Variants in ANKRD45 observed in about 807,000 individuals in gnomAD.
The protein encoded by ANKRD45 is ankyrin repeat domain-containing protein 45.
Under a neutral mutation model 28.1 loss-of-function variants are expected in ANKRD45, and 21 were observed. The observed-to-expected ratio is 0.75, with a 90% CI of 0.53 to 1.08. The LOEUF (loss-of-function observed/expected upper bound fraction) is 1.08. Ranked by LOEUF, ANKRD45 falls within the 50% of genes least tolerant of loss-of-function variation. The pLI is 0.00. For synonymous variants in ANKRD45, 86 were observed against 103.9 expected (o/e 0.83, Z 1.05); for missense variants, 261 against 308.7 (o/e 0.85, Z 1.16).
chr1:173,642,631 C>G (rs545044665), intron 3 of ANKRD45, among the ~76,000 whole-genome samples: 1 of 152,324 alleles, frequency 6.6e-6, no homozygotes, highest in East Asian at 1.9e-4. Context: ...ACATTTTAGC[C>G]TAGATATTTG....
intron 3 of ANKRD45, among the ~76,000 whole-genome samples, chr1:173,644,637 A>G (rs1668845093): frequency 6.6e-6 from 1 of 152,208 alleles, no homozygotes; most frequent in South Asian, 2.1e-4. Flanking sequence ...AAGTTACAGC[A>G]AAATTTGTCC....
chr1:173,670,667 T>TC (rs1186404886), upstream of ANKRD45, among the ~76,000 whole-genome samples: 12 of 152,226 alleles, frequency 7.9e-5, no homozygotes, highest in East Asian at 2.1e-3. Context: ...CAGAGCAGGC[T>TC]CCCCTATCCC....
At chr1:173,616,269 A>C (rs888035269) in intron 5 of ANKRD45, among the ~76,000 whole-genome samples, 1 of 152,164 alleles carries the variant, frequency 6.6e-6, no homozygotes, top group East Asian at 1.9e-4. Flanking sequence ...TATTTCATTT[A>C]TAAATGTTCA....
chr1:173,667,389 A>G (rs1670067991), intron 1 of ANKRD45, among the ~76,000 whole-genome samples: 1 of 152,126 alleles, frequency 6.6e-6, no homozygotes, highest in Non-Finnish European at 1.5e-5. Flanking sequence ...CAGATTCCAC[A>G]CTGCAACCAG....
the ANKRD45 span, among the ~76,000 whole-genome samples, chr1:173,686,822 T>C: frequency 6.6e-6 from 1 of 152,218 alleles, no homozygotes; most frequent in African/African-American, 2.4e-5. Flanking sequence ...ATAAGCTAAA[T>C]TTCACCTTTA....
At chr1:173,643,218 G>T (rs2102353711) in intron 3 of ANKRD45, among the ~76,000 whole-genome samples, 1 of 145,802 alleles carries the variant, frequency 6.9e-6, no homozygotes, top group East Asian at 2.0e-4. Context: ...CTGTCACCCA[G>T]GCTGGAGTGT....
the ANKRD45 span, among the ~76,000 whole-genome samples, chr1:173,705,882 T>A: frequency 6.6e-6 from 1 of 152,142 alleles, no homozygotes; most frequent in Non-Finnish European, 1.5e-5. Context: ...AATTTTAAAC[T>A]ATAAATACAT....
chr1:173,659,711 T>C (rs1669697428), intron 1 of ANKRD45, among the ~76,000 whole-genome samples: 1 of 152,168 alleles, frequency 6.6e-6, no homozygotes, highest in Non-Finnish European at 1.5e-5. Context: ...AGAGATCATA[T>C]GATCTAAATT....
At chr1:173,682,720 C>CACACACACAT in the ANKRD45 span, among the ~76,000 whole-genome samples, 1 of 150,682 alleles carries the variant, frequency 6.6e-6, no homozygotes, top group Non-Finnish European at 1.5e-5. Context: ...CACACACACA[C>CACACACACAT]ACATCTTGGA....
rs533573094 is a variant in ANKRD45 at position 173,614,916 on chromosome 1, G to A, written c.731-4701C>T. Reference sequence around the variant, plus strand: ...ACTGCATCCTCCACCTCCCGGATTCGGGTGATCATCCTGTCTCAGCCTCCT... The same window carrying A: ...ACTGCATCCTCCACCTCCCGGATTCAGGTGATCATCCTGTCTCAGCCTCCT... On this transcript the variant is annotated intron_variant, in intron 5 of 5. Coordinates refer to ENST00000333279, the MANE Select transcript of ANKRD45 (RefSeq NM_198493.3). 3.9e-5 allele frequency among the ~76,000 whole-genome samples: 6 copies of A among 152,010 alleles called. No individual in the cohort carries two copies. In the South Asian group the frequency reaches 6.2e-4, roughly 16 times the overall value.
At chr1:173,653,625 A>C (rs1218926268) in intron 2 of ANKRD45, among the ~76,000 whole-genome samples, 1 of 152,214 alleles carries the variant, frequency 6.6e-6, no homozygotes, top group Non-Finnish European at 1.5e-5. Flanking sequence ...TGCTTGGTGC[A>C]GAGCTGAGTT....
chr1:173,698,718 G>A, the ANKRD45 span, among the ~76,000 whole-genome samples: 2 of 152,132 alleles, frequency 1.3e-5, no homozygotes, highest in Non-Finnish European at 2.9e-5. Context: ...GAGAAAGCAG[G>A]AATGATCTGA....
chr1:173,648,310 T>G (rs757656333), intron 2 of ANKRD45, among the ~76,000 whole-genome samples: 8 of 152,098 alleles, frequency 5.3e-5, no homozygotes, highest in Non-Finnish European at 1.0e-4. Context: ...CTCCTGGGCT[T>G]AAGCAGTCCT....
chr1:173,613,468 G>GCC (rs1455712881), intron 5 of ANKRD45, among the ~76,000 whole-genome samples: 49 of 149,054 alleles, frequency 3.3e-4, no homozygotes, highest in Non-Finnish European at 6.0e-4. Flanking sequence ...GTGGGGGGCA[G>GCC]CCCCCGCCCG....
intron 3 of ANKRD45, chr1:173,635,698 G>A (rs1668402587): frequency 6.5e-7 from 1 of 1,535,496 alleles, no homozygotes; most frequent in African/African-American, 1.4e-5. Flanking sequence ...CTTATCTTCT[G>A]GATAAACTAT....
rs1667071035 is a variant in ANKRD45 at position 173,609,953 on chromosome 1, T to C, written c.*192A>G. On this transcript the variant is annotated 3_prime_UTR_variant, in exon 6 of 6. Transcript: ENST00000333279. ...AGCACGTGAAACTCACATGGGGCTGTGCTTGGAGGAGCAGAGGCGAGGCCA... is the reference window on the plus strand; with the variant it reads ...AGCACGTGAAACTCACATGGGGCTGCGCTTGGAGGAGCAGAGGCGAGGCCA... The C allele has an allele frequency of 5.0e-6, 3 of 599,322 alleles. No homozygotes were observed. Among genetic ancestry groups the C allele is most frequent in the Admixed American group, 6.1e-5 (2 of 32,576 alleles). 37.1% of individuals were successfully genotyped at this position (599,322 alleles called of 1,614,324 possible).
At chr1:173,702,115 G>T in the ANKRD45 span, among the ~76,000 whole-genome samples, 3 of 152,296 alleles carry the variant, frequency 2.0e-5, no homozygotes, top group African/African-American at 7.2e-5. Flanking sequence ...TGGTTACCTG[G>T]ATTGGAAAAG....
At chr1:173,648,140 A>G (rs533825807) in intron 2 of ANKRD45, among the ~76,000 whole-genome samples, 1 of 152,176 alleles carries the variant, frequency 6.6e-6, no homozygotes, top group Non-Finnish European at 1.5e-5. Context: ...GGGTTTCATC[A>G]TGTTGGCCAG....
chr1:173,636,217 T>G (rs909099023), intron 3 of ANKRD45, among the ~76,000 whole-genome samples: 17 of 152,166 alleles, frequency 1.1e-4, no homozygotes, highest in African/African-American at 3.9e-4. Flanking sequence ...AGAGATCTCT[T>G]AGAACCCTTT....
Sources: allele counts gnomAD v4.1 joint callset (sites outside exome capture counted in the v4.1 genomes callset), GRCh38; gene constraint gnomAD v4.1.1; transcripts MANE v1.5; gene names NCBI Gene and HGNC (gene_info 2026-07-23, HGNC 2026-07-21).